The following PCDHA2 variants were observed in gnomAD, a reference collection of about 807,000 sequenced individuals.
The protein encoded by PCDHA2 is protocadherin alpha-2.
Under a neutral mutation model 66.0 loss-of-function variants are expected in PCDHA2, and 58 were observed. The ratio of observed to expected loss-of-function variants is 0.88; its 90% CI spans 0.71 to 1.09. The LOEUF (loss-of-function observed/expected upper bound fraction) is 1.09. Among genes scored for constraint, PCDHA2 ranks in the 50% least tolerant of loss-of-function variants. PCDHA2 has a pLI of 0.00. For synonymous variants in PCDHA2, 634 were observed against 554.0 expected (o/e 1.14, Z -2.03); for missense variants, 1,267 against 1,242.3 (o/e 1.02, Z -0.30).
intron 1 of PCDHA2, chr5:140,813,746 A>G (rs1765372320): frequency 6.6e-6 from 1 of 152,412 alleles, no homozygotes; most frequent in Non-Finnish European, 1.5e-5. Flanking sequence ...CTGTAATCCC[A>G]GCACTTTGGG....
intron 1 of PCDHA2, chr5:140,967,079 A>T: frequency 1.2e-6 from 2 of 1,613,252 alleles, no homozygotes; most frequent in South Asian, 2.2e-5. Flanking sequence ...CAACGAGCGC[A>T]TTGATCGGGA....
At chr5:140,830,010 C>G in intron 1 of PCDHA2, 6 of 1,613,914 alleles carry the variant, frequency 3.7e-6, no homozygotes, top group Non-Finnish European at 5.1e-6. Context: ...CTGGACGAAG[C>G]GGACTCTCCG....
At chr5:140,928,298 C>T in intron 1 of PCDHA2, 2 of 1,614,128 alleles carry the variant, frequency 1.2e-6, no homozygotes, top group South Asian at 1.1e-5. Context: ...CGAGTGTTTG[C>T]CCAGGACCCC....
chr5:140,932,875 T>G (rs935730456), intron 1 of PCDHA2, among the ~76,000 whole-genome samples: 9 of 151,998 alleles, frequency 5.9e-5, no homozygotes, highest in African/African-American at 1.7e-4. Flanking sequence ...TTTGTTGTCT[T>G]CAATATTTTC....
chr5:140,831,652 T>A (rs2150196590), intron 1 of PCDHA2, among the ~76,000 whole-genome samples: 1 of 151,500 alleles, frequency 6.6e-6, no homozygotes, highest in Non-Finnish European at 1.5e-5. Flanking sequence ...TGTGAGCCAC[T>A]ATGCTTGGCT....
At chr5:140,841,935 C>T in intron 1 of PCDHA2, 1 of 1,613,898 alleles carries the variant, frequency 6.2e-7, no homozygotes, top group South Asian at 1.1e-5. Flanking sequence ...AGAGAGGACG[C>T]TCCTGCGCAC....
Position 140,795,490 on chromosome 5 carries a change from GA to G in PCDHA2, c.527del (p.Glu176GlyfsTer5), listed in dbSNP as rs782770754. 1 of 1,614,158 alleles carries G rather than the reference GA, an allele frequency of 6.2e-7. No homozygotes were observed. The highest frequency in any genetic ancestry group is 8.5e-7 in the Non-Finnish European group (1 of 1,180,030). ...ALLSYKLSSSEFFFLDIQAND... is the reference protein window; with the variant it reads ...ALLSYKLSSSXFFFLDIQAND... The stretch of plus-strand genomic sequence containing the variant: ...TCTCTCCTACAAGCTCAGCTCCAGT[GA>G]GTTTTTCTTCCTAGATATACAGGCA... On this transcript the variant is annotated frameshift_variant, in exon 1 of 4. Coordinates refer to ENST00000526136, the MANE Select transcript of PCDHA2 (RefSeq NM_018905.3). LOFTEE classifies it high-confidence loss of function.
chr5:140,894,569 C>CT (rs556288790), intron 1 of PCDHA2, among the ~76,000 whole-genome samples: 36 of 151,446 alleles, frequency 2.4e-4, no homozygotes, highest in African/African-American at 7.5e-4. Context: ...AATTATTTTC[C>CT]TTTTTTTTAA....
Position 140,877,703 on chromosome 5 carries a change from C to T in PCDHA2, c.2388+80351C>T, listed in dbSNP as rs781946062. On this transcript the variant is annotated intron_variant, in intron 1 of 3. Coordinates refer to ENST00000526136, the MANE Select transcript of PCDHA2 (RefSeq NM_018905.3). ...AAGCCCACGCTGGTGTGCTCCAGCG[C>T]CGTGGGGAGTTGGTCTTACTCGCAG... 4 of 1,613,986 alleles carry T rather than the reference C, an allele frequency of 2.5e-6. No individual in the cohort carries two copies. In the East Asian group the frequency reaches 8.9e-5, roughly 36 times the overall value.
At position 140,796,038 on chromosome 5, in the gene PCDHA2, C is replaced by T. The variant is rs200785856; in HGVS notation, c.1074C>T (p.Pro358=). The change falls in exon 1 of 4, where the codon CCC becomes CCT. Residue 358 remains proline (P), a synonymous_variant. Transcript: ENST00000526136. ...PEVSITSLSL[P]ISENASLGTV... ...TCTCAATAACGTCTCTCTCACTTCCCATCTCAGAGAACGCTTCCCTGGGCA... is the reference window on the plus strand; with the variant it reads ...TCTCAATAACGTCTCTCTCACTTCCTATCTCAGAGAACGCTTCCCTGGGCA... The T allele has an allele frequency of 9.3e-6, 15 of 1,614,212 alleles. No individual in the cohort carries two copies. Among genetic ancestry groups the T allele is most frequent in the Non-Finnish European group, 1.3e-5 (15 of 1,180,028 alleles).
chr5:140,841,654 C>T lies in PCDHA2; in HGVS notation c.2388+44302C>T, dbSNP rs1270188852. ...GCATCCACCTGGAGGTGATCGTGGA[C>T]AGGCCGCTGCAGGTTTTCCATGTGG... On this transcript the variant is annotated intron_variant, in intron 1 of 3. Transcript: ENST00000526136. 3 of 1,613,998 alleles carry T rather than the reference C, an allele frequency of 1.9e-6. No homozygotes were observed. In the African/African-American group the frequency reaches 4.0e-5, roughly 22 times the overall value.
chr5:140,856,178 G>T lies in PCDHA2; in HGVS notation c.2388+58826G>T, dbSNP rs782689818. ...CGAGGAGGCCAGACACGGCACCTTC[G>T]TGGGCCGCATCGCGCAGGACCTGGG... is the stretch of plus-strand genomic sequence containing the variant. On this transcript the variant is annotated intron_variant, in intron 1 of 3. Coordinates refer to ENST00000526136, the MANE Select transcript of PCDHA2 (RefSeq NM_018905.3). 6.3e-6 allele frequency: 10 copies of T among 1,598,138 alleles called. 2 individuals are homozygous for T. Among genetic ancestry groups the T allele is most frequent in the Non-Finnish European group, 8.6e-6 (10 of 1,167,922 alleles).
At chr5:140,839,248 A>G (rs1776116247) in intron 1 of PCDHA2, among the ~76,000 whole-genome samples, 1 of 151,994 alleles carries the variant, frequency 6.6e-6, no homozygotes, top group Non-Finnish European at 1.5e-5. Flanking sequence ...CTTTGCTTTT[A>G]TGCTTACATG....
At chr5:140,928,337 AT>A (rs549164954) in intron 1 of PCDHA2, 7 of 1,613,944 alleles carry the variant, frequency 4.3e-6, no homozygotes, top group Non-Finnish European at 5.9e-6. Flanking sequence ...CTTGTCTCTT[AT>A]GAGCTGTTGG....
intron 1 of PCDHA2, chr5:140,850,406 G>A (rs1200115176): frequency 1.9e-6 from 3 of 1,597,826 alleles, no homozygotes; most frequent in African/African-American, 1.3e-5. Flanking sequence ...CGCGTGCCCT[G>A]GACGAAACGG....
intron 1 of PCDHA2, chr5:140,869,050 A>T: frequency 1.3e-6 from 2 of 1,533,074 alleles, no homozygotes; most frequent in South Asian, 2.6e-5. Context: ...GAAACTGAAG[A>T]ATCTGGTACT....
intron 1 of PCDHA2, chr5:140,869,579 A>T: frequency 8.1e-6 from 13 of 1,614,178 alleles, no homozygotes; most frequent in Non-Finnish European, 1.0e-5. Context: ...GGAGCTTCTG[A>T]TGCTGACATT....
At chr5:140,829,565 T>C (rs2150170147) in intron 1 of PCDHA2, 7 of 1,612,526 alleles carry the variant, frequency 4.3e-6, no homozygotes, top group Non-Finnish European at 5.9e-6. Context: ...GCTGGTGTCC[T>C]ACTCGCTGGT....
intron 1 of PCDHA2, among the ~76,000 whole-genome samples, chr5:140,971,716 A>G (rs1554233565): frequency 1.3e-5 from 2 of 152,026 alleles, no homozygotes; most frequent in African/African-American, 4.8e-5. Context: ...ATATAGATAT[A>G]TGTATATCAT....
Sources: allele counts gnomAD v4.1 joint callset (sites outside exome capture counted in the v4.1 genomes callset), GRCh38; gene constraint gnomAD v4.1.1; transcripts MANE v1.5; gene names NCBI Gene and HGNC (gene_info 2026-07-23, HGNC 2026-07-21).